Variants in CWF19L2 observed in about 807,000 individuals in gnomAD.
CWF19L2 encodes the protein CWF19-like protein 2.
Under a neutral mutation model 111.7 loss-of-function variants are expected in CWF19L2, and 98 were observed. The ratio of observed to expected loss-of-function variants is 0.88; its 90% CI spans 0.75 to 1.04. CWF19L2 has a LOEUF of 1.04. Ranked by LOEUF, CWF19L2 falls within the 50% of genes least tolerant of loss-of-function variation. The pLI is 0.00. For synonymous variants in CWF19L2, 351 were observed against 342.9 expected (o/e 1.02, Z -0.26); for missense variants, 1,101 against 1,051.4 (o/e 1.05, Z -0.65).
chr11:107,424,815 TAAGTTACTTGAACAC>T (rs1861351631), intron 8 of CWF19L2, among the ~76,000 whole-genome samples: 3 of 152,014 alleles, frequency 2.0e-5, no homozygotes, highest in Non-Finnish European at 4.4e-5. Flanking sequence ...ATTTCAACAT[TAAGTTACTTGAACAC>T]AATGTAACAG....
Position 107,354,082 on chromosome 11 carries a change from A to G in CWF19L2, c.1873-346T>C, listed in dbSNP as rs530958124. Among the ~76,000 whole-genome samples, 255 of 150,940 alleles carry G rather than the reference A, an allele frequency of 1.7e-3. 1 individual carries two copies. Among genetic ancestry groups the G allele is most frequent in the African/African-American group, 5.8e-3 (241 of 41,274 alleles). On this transcript the variant is annotated intron_variant, in intron 12 of 17. Transcript: ENST00000282251. ...TGTAACTTTAAAAATTCACATATAC[A>G]CTATATAGAATGTGGAACTTTTTTT...
At chr11:107,397,198 T>G (rs1042514552) in intron 10 of CWF19L2, among the ~76,000 whole-genome samples, 15 of 152,152 alleles carry the variant, frequency 9.9e-5, no homozygotes, top group Non-Finnish European at 2.1e-4. Flanking sequence ...AAATCCTGCG[T>G]ACAGACTTCA....
chr11:107,411,508 C>A (rs1321446828), intron 10 of CWF19L2, among the ~76,000 whole-genome samples: 2 of 151,880 alleles, frequency 1.3e-5, no homozygotes, highest in South Asian at 4.2e-4. Flanking sequence ...AGTGAATAAG[C>A]TATACAAAAC....
chr11:107,379,019 A>G (rs560422742), intron 12 of CWF19L2, among the ~76,000 whole-genome samples: 12 of 152,158 alleles, frequency 7.9e-5, no homozygotes, highest in Non-Finnish European at 1.8e-4. Context: ...GTAGTACTAC[A>G]CAATGGTATA....
chr11:107,402,176 G>A (rs1217533110), intron 10 of CWF19L2, among the ~76,000 whole-genome samples: 2 of 152,028 alleles, frequency 1.3e-5, no homozygotes, highest in Non-Finnish European at 2.9e-5. Flanking sequence ...GCTTAGGAAA[G>A]CATTTCATGA....
At chr11:107,434,831 GA>G (rs994737780) in intron 6 of CWF19L2, among the ~76,000 whole-genome samples, 3 of 152,042 alleles carry the variant, frequency 2.0e-5, no homozygotes, top group Non-Finnish European at 1.5e-5. Flanking sequence ...GTAGTGACTA[GA>G]AGGGTCACAA....
At chr11:107,440,210 G>T (rs925383331) in intron 5 of CWF19L2, among the ~76,000 whole-genome samples, 1 of 152,082 alleles carries the variant, frequency 6.6e-6, no homozygotes, top group East Asian at 1.9e-4. Flanking sequence ...GGGAGTGGGG[G>T]GTTAGAAAAT....
chr11:107,381,282 C>T (rs548795525), intron 12 of CWF19L2, among the ~76,000 whole-genome samples: 12 of 152,156 alleles, frequency 7.9e-5, no homozygotes, highest in South Asian at 2.1e-4. Context: ...AGGACCTGAA[C>T]GAAAAAACAT....
chr11:107,373,541 C>A (rs1375275289), intron 12 of CWF19L2, among the ~76,000 whole-genome samples: 3 of 124,734 alleles, frequency 2.4e-5, no homozygotes, highest in African/African-American at 9.4e-5. Context: ...GGTACTTCAA[C>A]AGACCTGCAG....
chr11:107,442,730 GAAA>G (rs1861636609), intron 4 of CWF19L2, among the ~76,000 whole-genome samples: 1 of 107,150 alleles, frequency 9.3e-6, no homozygotes, highest in Admixed American at 1.1e-4. Flanking sequence ...GAAAGAGAAA[GAAA>G]GAAAGGAAGG....
At chr11:107,342,050 A>G (rs1176337497) in intron 14 of CWF19L2, among the ~76,000 whole-genome samples, 1 of 151,504 alleles carries the variant, frequency 6.6e-6, no homozygotes, top group Non-Finnish European at 1.5e-5. Context: ...TCTGTTTTCA[A>G]TTTCATTGAT....
intron 3 of CWF19L2, among the ~76,000 whole-genome samples, chr11:107,447,198 G>A (rs978028861): frequency 6.6e-6 from 1 of 152,124 alleles, no homozygotes; most frequent in African/African-American, 2.4e-5. Flanking sequence ...CTAGACTGTG[G>A]CATAGAGGGG....
At chr11:107,380,235 C>T (rs1860664871) in intron 12 of CWF19L2, among the ~76,000 whole-genome samples, 1 of 151,964 alleles carries the variant, frequency 6.6e-6, no homozygotes, top group South Asian at 2.1e-4. Flanking sequence ...CTAATTCTTA[C>T]AAAACCATTT....
At position 107,371,780 on chromosome 11, in the gene CWF19L2, G is replaced by A. The variant is rs987701238; in HGVS notation, c.1873-18044C>T. The stretch of plus-strand genomic sequence containing the variant: ...GAAGATGACAATTTCTCCGCAGCTC[G>A]GTCATTGCTGTCACCATTCTGACAT... On this transcript the variant is annotated intron_variant, in intron 12 of 17. Coordinates refer to ENST00000282251, the MANE Select transcript of CWF19L2 (RefSeq NM_152434.3). Among the ~76,000 whole-genome samples the A allele has an allele frequency of 1.2e-4, 16 of 136,504 alleles. 4 individuals are homozygous for A. Among genetic ancestry groups the A allele is most frequent in the African/African-American group, 4.4e-4 (15 of 33,988 alleles). 89.6% of individuals were successfully genotyped at this position (136,504 alleles called of 152,430 possible).
At position 107,433,695 on chromosome 11, in the gene CWF19L2, A is replaced by G. The variant is rs1861497083; in HGVS notation, c.719T>C (p.Met240Thr). Residue 240 changes from methionine to threonine, a missense_variant, in exon 7 of 18, where the codon ATG becomes ACG. Coordinates refer to ENST00000282251, the MANE Select transcript of CWF19L2 (RefSeq NM_152434.3). Reference sequence around the variant, plus strand: ...ACTTTGTTTCTCAGCTTGTTCCTTCATTCTTAGATAAGATTTCCTTAGCCA... The same window carrying G: ...ACTTTGTTTCTCAGCTTGTTCCTTCGTTCTTAGATAAGATTTCCTTAGCCA... Reference protein sequence around the residue: ...LSWLRKSYLRMKEQAEKQSRN... With the variant: ...LSWLRKSYLRTKEQAEKQSRN... 6.3e-7 allele frequency: 1 copy of G among 1,593,876 alleles called. No homozygotes were observed. The highest frequency in any genetic ancestry group is 8.5e-7 in the Non-Finnish European group (1 of 1,169,636).
At position 107,327,047 on chromosome 11, in the gene CWF19L2, T is replaced by G. The variant is rs756987442; in HGVS notation, c.2548A>C (p.Ile850Leu). Residue 850 changes from isoleucine (I) to leucine (L), a missense_variant, in exon 18 of 18, where the codon ATA becomes CTA. Ile to Leu is a conservative substitution (Grantham distance 5). Transcript: ENST00000282251. ...GGTTCTATATCCAGCATCCCACCTA[T>G]GATTTCCTTTTAAAGAAAGAGAAAA... ...KFPHYFGKEI[I>L]GGMLDIEPRL... 1 of 1,590,312 alleles carries G rather than the reference T, an allele frequency of 6.3e-7. No individual in the cohort carries two copies.
chr11:107,379,923 T>A (rs920101914), intron 12 of CWF19L2, among the ~76,000 whole-genome samples: 4 of 151,718 alleles, frequency 2.6e-5, no homozygotes, highest in Non-Finnish European at 5.9e-5. Flanking sequence ...TAGCCGGGCA[T>A]GGTTGCAGGC....
Position 107,339,948 on chromosome 11 carries a change from G to A in CWF19L2, c.2203-3235C>T, listed in dbSNP as rs375895074. Among the ~76,000 whole-genome samples the A allele has an allele frequency of 2.5e-3, 387 of 152,154 alleles. 5 individuals are homozygous for A. Among genetic ancestry groups the A allele is most frequent in the Non-Finnish European group, 2.4e-3 (164 of 68,008 alleles). On this transcript the variant is annotated intron_variant, in intron 14 of 17. Coordinates refer to ENST00000282251, the MANE Select transcript of CWF19L2 (RefSeq NM_152434.3). ...CTCCCAAAGTCCTGAGATTACAGGC[G>A]TGAGGCACTGCGCTCAGCCAATTTC...
intron 3 of CWF19L2, among the ~76,000 whole-genome samples, chr11:107,450,563 C>A (rs760040848): frequency 6.6e-5 from 10 of 151,548 alleles, no homozygotes; most frequent in East Asian, 1.9e-4. Flanking sequence ...ATCAATCAAT[C>A]AATAAAATAA....
Sources: gnomAD v4.1 joint callset for allele counts (sites outside exome capture counted in the v4.1 genomes callset) on GRCh38, gnomAD v4.1.1 for gene constraint, MANE v1.5 for transcripts, NCBI Gene and HGNC (gene_info 2026-07-23, HGNC 2026-07-21) for gene names.